The following BICD1 variants were observed in gnomAD, a reference collection of about 807,000 sequenced individuals.
BICD1 encodes BICD cargo adaptor 1, also known as protein bicaudal D homolog 1.
Under a neutral mutation model 92.5 loss-of-function variants are expected in BICD1, and 35 were observed. The observed-to-expected ratio is 0.38, with a 90% CI of 0.29 to 0.50. The LOEUF (loss-of-function observed/expected upper bound fraction) is 0.50, where lower values mean the gene tolerates loss of function less well. Ranked by LOEUF, BICD1 falls within the 20% of genes least tolerant of loss-of-function variation. The pLI, the probability that BICD1 is intolerant of heterozygous loss-of-function variation, is 0.93. For synonymous variants in BICD1, 429 were observed against 465.1 expected (o/e 0.92, Z 1.00); for missense variants, 950 against 1,189.8 (o/e 0.80, Z 2.97).
chr12:32,266,125 A>T (rs1186252070), intron 2 of BICD1, among the ~76,000 whole-genome samples: 1 of 152,178 alleles, frequency 6.6e-6, no homozygotes, highest in Non-Finnish European at 1.5e-5. Context: ...ATTTCTGTGC[A>T]GTCACTTCCT....
intron 4 of BICD1, among the ~76,000 whole-genome samples, chr12:32,321,256 G>A (rs1397248360): frequency 6.6e-6 from 1 of 152,118 alleles, no homozygotes; most frequent in Non-Finnish European, 1.5e-5. Flanking sequence ...AACCCCGGAG[G>A]CAGAGGTTGC....
intron 2 of BICD1, among the ~76,000 whole-genome samples, chr12:32,248,366 T>A (rs896022812): frequency 1.3e-5 from 2 of 152,108 alleles, no homozygotes; most frequent in Non-Finnish European, 2.9e-5. Context: ...ATATCAGGAT[T>A]TTGCTGTGAA....
chr12:32,227,626 G>A (rs1945744065), intron 2 of BICD1: 1 of 160,138 alleles, frequency 6.2e-6, no homozygotes, highest in Non-Finnish European at 1.5e-5. Context: ...ATCCATCATG[G>A]GAGGTCCTGG....
At chr12:32,236,443 T>G (rs1946075770) in intron 2 of BICD1, among the ~76,000 whole-genome samples, 1 of 152,060 alleles carries the variant, frequency 6.6e-6, no homozygotes, top group African/African-American at 2.4e-5. Context: ...CCATAAATGT[T>G]GTATGTGTTC....
chr12:32,303,356 C>A (rs897000412), intron 3 of BICD1, among the ~76,000 whole-genome samples: 2 of 152,178 alleles, frequency 1.3e-5, no homozygotes, highest in African/African-American at 4.8e-5. Context: ...ATACATATGT[C>A]TTTATGAGTT....
intron 8 of BICD1, among the ~76,000 whole-genome samples, chr12:32,358,490 G>A (rs1458457485): frequency 1.3e-5 from 2 of 151,900 alleles, no homozygotes; most frequent in African/African-American, 2.4e-5. Context: ...TGTAATCCCA[G>A]CACTTTGGGA....
intron 2 of BICD1, among the ~76,000 whole-genome samples, chr12:32,243,541 T>G (rs1946294800): frequency 6.6e-6 from 1 of 152,096 alleles, no homozygotes; most frequent in South Asian, 2.1e-4. Flanking sequence ...TTTTACACAT[T>G]TGTTAGGTTT....
intron 4 of BICD1, among the ~76,000 whole-genome samples, chr12:32,321,955 C>T (rs1468783109): frequency 1.1e-4 from 17 of 152,126 alleles, no homozygotes; most frequent in Non-Finnish European, 2.5e-4. Flanking sequence ...GCCGAGATCA[C>T]ACCATTGCAC....
chr12:32,205,901 G>A (rs535503177), intron 1 of BICD1, among the ~76,000 whole-genome samples: 2 of 151,786 alleles, frequency 1.3e-5, no homozygotes, highest in South Asian at 4.2e-4. Context: ...TCTGCCTGTT[G>A]TCACTATAGA....
chr12:32,156,983 CA>C (rs1943457969), intron 1 of BICD1, among the ~76,000 whole-genome samples: 1 of 152,120 alleles, frequency 6.6e-6, no homozygotes, highest in Non-Finnish European at 1.5e-5. Flanking sequence ...CACATATAAG[CA>C]TATACTAAAT....
intron 1 of BICD1, among the ~76,000 whole-genome samples, chr12:32,186,065 A>G (rs560637304): frequency 6.6e-6 from 1 of 152,346 alleles, no homozygotes; most frequent in African/African-American, 2.4e-5. Flanking sequence ...CATAGAGGCA[A>G]TGTTTCCAGG....
At chr12:32,111,636 C>G (rs1484942632) in intron 1 of BICD1, among the ~76,000 whole-genome samples, 1 of 151,788 alleles carries the variant, frequency 6.6e-6, no homozygotes, top group East Asian at 1.9e-4. Flanking sequence ...GAGATGGAGT[C>G]TCGCACTTTC....
At chr12:32,297,035 A>C (rs955049198) in intron 3 of BICD1, among the ~76,000 whole-genome samples, 4 of 152,196 alleles carry the variant, frequency 2.6e-5, no homozygotes, top group Non-Finnish European at 4.4e-5. Flanking sequence ...TTCATTCAAA[A>C]TCATTTTCTG....
In BICD1 at chr12:32,338,985, C is replaced by T; in HGVS notation, c.2764+6C>T. ...GTTAACCGTGGCTCCACCAGGTAAA[C>T]ATTTTTTCCTTGGGTGCATGTGATG... On this transcript the variant is annotated splice_donor_region_variant and intron_variant, in intron 8 of 9. Coordinates refer to ENST00000652176, the MANE Select transcript of BICD1 (RefSeq NM_001714.4). 6.3e-7 allele frequency: 1 copy of T among 1,585,154 alleles called. No individual in the cohort carries two copies. The highest frequency in any genetic ancestry group is 8.5e-7 in the Non-Finnish European group (1 of 1,170,276).
intron 1 of BICD1, among the ~76,000 whole-genome samples, chr12:32,196,546 T>A (rs1390849232): frequency 4.6e-5 from 7 of 152,122 alleles, no homozygotes; most frequent in Non-Finnish European, 1.0e-4. Context: ...ACAAATATTG[T>A]TTTGTCTTAC....
chr12:32,285,501 C>G (rs371022382), intron 2 of BICD1, among the ~76,000 whole-genome samples: 1 of 152,194 alleles, frequency 6.6e-6, no homozygotes, highest in East Asian at 1.9e-4. Context: ...TATATTGACT[C>G]TGTGTGGTGA....
chr12:32,128,140 G>C (rs1942409944), intron 1 of BICD1, among the ~76,000 whole-genome samples: 1 of 152,198 alleles, frequency 6.6e-6, no homozygotes, highest in African/African-American at 2.4e-5. Flanking sequence ...CTGACCTCAG[G>C]TGATCTGCCC....
chr12:32,359,757 T>C (rs1417173574), intron 8 of BICD1, among the ~76,000 whole-genome samples: 1 of 152,152 alleles, frequency 6.6e-6, no homozygotes, highest in Admixed American at 6.6e-5. Context: ...TTCAAAGAAA[T>C]TTATTAAACC....
At chr12:32,227,114 C>G (rs1338779640) in intron 2 of BICD1, among the ~76,000 whole-genome samples, 1 of 151,898 alleles carries the variant, frequency 6.6e-6, no homozygotes. Context: ...TGTAAAGCTA[C>G]TAGAGCAAAA....
Sources: gnomAD v4.1 joint callset for allele counts (sites outside exome capture counted in the v4.1 genomes callset) on GRCh38, gnomAD v4.1.1 for gene constraint, MANE v1.5 for transcripts, NCBI Gene and HGNC (gene_info 2026-07-23, HGNC 2026-07-21) for gene names.